Variants in SEZ6L observed in about 807,000 individuals in gnomAD.
SEZ6L encodes seizure 6-like protein.
In SEZ6L, 37 loss-of-function variants were observed where a neutral mutation model predicts 106.2. The observed-to-expected ratio is 0.35, with a 90% CI of 0.27 to 0.46. The LOEUF is 0.46. SEZ6L is among the 20% of genes least tolerant of loss of function. The probability of loss-of-function intolerance (pLI) is 1.00; values close to 1 mark genes in which losing one functional copy is unlikely to be tolerated. For synonymous variants in SEZ6L, 541 were observed against 570.4 expected (o/e 0.95, Z 0.73); for missense variants, 1,172 against 1,332.8 (o/e 0.88, Z 1.88).
chr22:26,303,642 A>G (rs1208296579), intron 5 of SEZ6L, among the ~76,000 whole-genome samples: 1 of 152,202 alleles, frequency 6.6e-6, no homozygotes, highest in Non-Finnish European at 1.5e-5. Context: ...TCTTTTGCAA[A>G]ATTAATCGTG....
intron 1 of SEZ6L, among the ~76,000 whole-genome samples, chr22:26,246,618 C>A (rs944234606): frequency 1.3e-5 from 2 of 152,082 alleles, no homozygotes; most frequent in Non-Finnish European, 2.9e-5. Context: ...AGTTTCAAAC[C>A]CACTCGTGCT....
At chr22:26,359,685 G>A (rs1466223783) in intron 12 of SEZ6L, among the ~76,000 whole-genome samples, 1 of 152,096 alleles carries the variant, frequency 6.6e-6, no homozygotes, top group South Asian at 2.1e-4. Flanking sequence ...CACGCCAGTG[G>A]TCCCAGCGAC....
intron 12 of SEZ6L, among the ~76,000 whole-genome samples, chr22:26,364,175 A>T (rs1408411583): frequency 1.3e-5 from 2 of 152,198 alleles, no homozygotes; most frequent in African/African-American, 4.8e-5. Context: ...AAAATTTTTT[A>T]AATAATAAAG....
chr22:26,348,608 G>A (rs1478020027), intron 11 of SEZ6L, among the ~76,000 whole-genome samples: 78 of 45,158 alleles, frequency 1.7e-3, no homozygotes, highest in Admixed American at 1.9e-3. Flanking sequence ...AAGAAAGAAA[G>A]AGAAAAAGAA....
chr22:26,185,349 G>A (rs1175495656), intron 1 of SEZ6L, among the ~76,000 whole-genome samples: 1 of 152,210 alleles, frequency 6.6e-6, no homozygotes, highest in Non-Finnish European at 1.5e-5. Context: ...TCAGAGACCT[G>A]AGTTCTGGAG....
intron 6 of SEZ6L, among the ~76,000 whole-genome samples, chr22:26,308,039 AAC>A (rs1264921927): frequency 6.6e-6 from 1 of 152,182 alleles, no homozygotes; most frequent in Non-Finnish European, 1.5e-5. Flanking sequence ...GTTAAAGGTC[AAC>A]ACACACACAA....
Position 26,351,142 on chromosome 22 carries a change from C to A in SEZ6L, c.2498C>A (p.Thr833Asn). The change falls in exon 12 of 17, where the codon ACC (threonine) becomes AAC (asparagine). Residue 833 changes from threonine (T) to asparagine (N), a missense_variant. By Grantham distance (65) the Thr-to-Asn change is moderately conservative. Around this residue, in one of 4 missense-constraint regions of SEZ6L, gnomAD observed 534 missense variants for 691.0 expected, o/e 0.77. Coordinates refer to ENST00000248933, the MANE Select transcript of SEZ6L (RefSeq NM_021115.5). ...CTGGTGGGGACCACCATCCAATACA[C>A]CTGCAACCCCGGTTTTGTGCTTGAA... ...VLLVGTTIQYTCNPGFVLEGS... is the reference protein window; with the variant it reads ...VLLVGTTIQYNCNPGFVLEGS... 1 of 1,614,206 alleles carries A rather than the reference C, an allele frequency of 6.2e-7. No individual in the cohort carries two copies.
At chr22:26,262,638 A>G (rs551162772) in intron 1 of SEZ6L, among the ~76,000 whole-genome samples, 2 of 152,314 alleles carry the variant, frequency 1.3e-5, no homozygotes, top group South Asian at 2.1e-4. Context: ...AATGGGTGAC[A>G]AAACTAGTCT....
At chr22:26,227,589 T>A (rs902592892) in intron 1 of SEZ6L, among the ~76,000 whole-genome samples, 4 of 151,402 alleles carry the variant, frequency 2.6e-5, no homozygotes, top group African/African-American at 7.3e-5. Flanking sequence ...TTTAATTTTT[T>A]TTTTTTTTTT....
At chr22:26,327,062 C>T (rs374310603) in intron 9 of SEZ6L, among the ~76,000 whole-genome samples, 9 of 152,234 alleles carry the variant, frequency 5.9e-5, no homozygotes, top group South Asian at 2.1e-4. Flanking sequence ...AATATGTGCA[C>T]GATGCGGACG....
intron 14 of SEZ6L, among the ~76,000 whole-genome samples, chr22:26,374,943 G>T (rs754864678): frequency 6.6e-6 from 1 of 152,136 alleles, no homozygotes; most frequent in Non-Finnish European, 1.5e-5. Flanking sequence ...ATTGGGGTGT[G>T]CAGGACAGAG....
intron 1 of SEZ6L, among the ~76,000 whole-genome samples, chr22:26,266,586 TAAATAAATAAATAA>T (rs970309322): frequency 7.8e-5 from 4 of 51,538 alleles, no homozygotes; most frequent in African/African-American, 5.1e-4. Context: ...AATAAATAAA[TAAATAAATAAATAA>T]ATAAATAAAT....
chr22:26,312,086 C>T (rs1210596107), intron 8 of SEZ6L, 124 bp downstream of exon 8: 5 of 948,248 alleles, frequency 5.3e-6, no homozygotes, highest in Non-Finnish European at 7.8e-6. Context: ...GATTAGAACC[C>T]TTTCCAGGGT....
At chr22:26,340,306 A>T in intron 9 of SEZ6L, 130 bp from the exon 10 acceptor site, 1 of 790,466 alleles carries the variant, frequency 1.3e-6, no homozygotes, top group African/African-American at 1.7e-5. Flanking sequence ...GCTTGGGGTT[A>T]AGACACATAG....
intron 1 of SEZ6L, among the ~76,000 whole-genome samples, chr22:26,224,133 G>T (rs181686204): frequency 1.3e-5 from 2 of 152,242 alleles, no homozygotes; most frequent in East Asian, 1.9e-4. Context: ...TAATAACACC[G>T]GCTGTTGCTG....
At chr22:26,281,656 G>A (rs1236427692) in intron 1 of SEZ6L, among the ~76,000 whole-genome samples, 1 of 152,126 alleles carries the variant, frequency 6.6e-6, no homozygotes, top group African/African-American at 2.4e-5. Context: ...GGGATTACAG[G>A]CGTGAGCCAC....
At chr22:26,349,733 G>A (rs1433842089) in intron 11 of SEZ6L, among the ~76,000 whole-genome samples, 1 of 151,900 alleles carries the variant, frequency 6.6e-6, no homozygotes, top group African/African-American at 2.4e-5. Flanking sequence ...CAAACTCCTG[G>A]CCTCAGCCTC....
At chr22:26,274,794 C>T (rs183662315) in intron 1 of SEZ6L, among the ~76,000 whole-genome samples, 6 of 152,300 alleles carry the variant, frequency 3.9e-5, no homozygotes, top group Non-Finnish European at 7.3e-5. Context: ...TGTGGCGACA[C>T]CCACAGAGTA....
chr22:26,251,045 C>A, intron 1 of SEZ6L, among the ~76,000 whole-genome samples: 1 of 152,106 alleles, frequency 6.6e-6, no homozygotes, highest in East Asian at 1.9e-4. Flanking sequence ...ATTTGTTGAT[C>A]AGTTCTAAGA....
Sources: gnomAD v4.1 joint callset for allele counts (sites outside exome capture counted in the v4.1 genomes callset) on GRCh38, gnomAD v4.1.1 for gene constraint, gnomAD v4.1.1 regional missense constraint, MANE v1.5 for transcripts, NCBI Gene and HGNC (gene_info 2026-07-23, HGNC 2026-07-21) for gene names.